THRB: variants seen among roughly 807,000 people sequenced by gnomAD.
THRB encodes thyroid hormone receptor beta, also known as nuclear receptor subfamily 1 group A member 2.
In THRB, 12 loss-of-function variants were observed where a neutral mutation model predicts 47.8. That is an observed-to-expected ratio of 0.25 (90% CI 0.16 to 0.41). THRB has a LOEUF of 0.41. Among genes scored for constraint, THRB ranks in the 10% least tolerant of loss-of-function variants. The probability of loss-of-function intolerance (pLI) is 1.00; values close to 1 mark genes in which losing one functional copy is unlikely to be tolerated. For synonymous variants in THRB, 218 were observed against 212.2 expected (o/e 1.03, Z -0.24); for missense variants, 348 against 589.2 (o/e 0.59, Z 4.24).
chr3:24,338,386 T>C (rs2062405126), intron 1 of THRB, among the ~76,000 whole-genome samples: 1 of 152,178 alleles, frequency 6.6e-6, no homozygotes, highest in African/African-American at 2.4e-5. Flanking sequence ...ATGAACAATG[T>C]TTGTGTATTT....
Position 24,236,871 on chromosome 3 carries a change from T to C in THRB, c.-42-7870A>G, listed in dbSNP as rs563708206. Among the ~76,000 whole-genome samples the C allele has an allele frequency of 5.3e-5, 8 of 152,170 alleles. No individual in the cohort carries two copies. The East Asian group carries it at 9.7e-4, about 18-fold the overall frequency. On this transcript the variant is annotated intron_variant, in intron 3 of 10. Coordinates refer to ENST00000646209, the MANE Select transcript of THRB (RefSeq NM_001354712.2). Reference sequence around the variant, plus strand: ...TTTTAATATTAAATCTAGGACCCAATGAAGTGAATAAATAATGGTTGAATT... The same window carrying C: ...TTTTAATATTAAATCTAGGACCCAACGAAGTGAATAAATAATGGTTGAATT...
intron 1 of THRB, among the ~76,000 whole-genome samples, chr3:24,381,930 A>T (rs912390426): frequency 1.5e-4 from 23 of 152,184 alleles, no homozygotes; most frequent in Admixed American, 1.2e-3. Flanking sequence ...TGAGAAAGAA[A>T]AAAATAAATG....
intron 3 of THRB, among the ~76,000 whole-genome samples, chr3:24,255,936 T>C (rs2051230269): frequency 6.6e-6 from 1 of 152,208 alleles, no homozygotes; most frequent in South Asian, 2.1e-4. Flanking sequence ...CATTGTCATA[T>C]AGATAAATGG....
chr3:24,210,705 A>G (rs1293143214), intron 4 of THRB, among the ~76,000 whole-genome samples: 1 of 152,202 alleles, frequency 6.6e-6, no homozygotes, highest in Non-Finnish European at 1.5e-5. Flanking sequence ...TACACCTGTT[A>G]TCTCCTTTCT....
At chr3:24,424,545 C>T (rs2069573440) in intron 1 of THRB, among the ~76,000 whole-genome samples, 1 of 151,864 alleles carries the variant, frequency 6.6e-6, no homozygotes, top group African/African-American at 2.4e-5. Flanking sequence ...TGGGGCCCAG[C>T]CTCCAGGTGA....
intron 2 of THRB, among the ~76,000 whole-genome samples, chr3:24,321,693 A>C (rs1448648190): frequency 6.6e-6 from 1 of 152,082 alleles, no homozygotes; most frequent in African/African-American, 2.4e-5. Flanking sequence ...AGAACCGTGA[A>C]TCCAAAATGT....
intron 1 of THRB, among the ~76,000 whole-genome samples, chr3:24,453,417 C>T (rs1180940090): frequency 6.6e-6 from 1 of 152,168 alleles, no homozygotes; most frequent in Non-Finnish European, 1.5e-5. Flanking sequence ...TCAGAACACA[C>T]ACTTTTAGCC....
intron 4 of THRB, among the ~76,000 whole-genome samples, chr3:24,219,727 C>T (rs760622620): frequency 1.3e-5 from 2 of 152,358 alleles, no homozygotes; most frequent in South Asian, 2.1e-4. Context: ...AAACCCTCTA[C>T]ATCAGTGATT....
At position 24,190,303 on chromosome 3, in the gene THRB, C is replaced by T. The variant is rs1559553747; in HGVS notation, c.54G>A (p.Lys18=). Residue 18 remains lysine (K), a synonymous_variant, in exon 5 of 11, where the codon AAG becomes AAA. Coordinates refer to ENST00000646209, the MANE Select transcript of THRB (RefSeq NM_001354712.2). The part of the protein sequence containing the change: ...ENGLTAWDKP[K]HCPDREHDWK... ...AGTCGTGTTCTCGGTCTGGACAGTG[C>T]TTCGGTTTGTCCCAGGCTGTAAGGC... 6.2e-7 allele frequency: 1 copy of T among 1,614,122 alleles called. No homozygotes were observed.
At chr3:24,157,019 GCATTCATC>G (rs1483701724) in intron 5 of THRB, among the ~76,000 whole-genome samples, 1 of 152,162 alleles carries the variant, frequency 6.6e-6, no homozygotes, top group Non-Finnish European at 1.5e-5. Flanking sequence ...ATTAAACCAT[GCATTCATC>G]CATTTGTTTA....
chr3:24,161,617 A>AACACACACACACAC (rs58600238), intron 5 of THRB, among the ~76,000 whole-genome samples: 12,677 of 140,928 alleles, frequency 0.09, 750 homozygotes, highest in East Asian at 0.19. Context: ...AGAGCTACAG[A>AACACACACACACAC]ACACACACAC....
intron 5 of THRB, among the ~76,000 whole-genome samples, chr3:24,166,448 GTACT>G (rs1434074544): frequency 9.9e-5 from 15 of 152,256 alleles, no homozygotes; most frequent in African/African-American, 3.6e-4. Context: ...TGGTATTCAT[GTACT>G]TACTTAAAGA....
intron 1 of THRB, among the ~76,000 whole-genome samples, chr3:24,425,799 C>T (rs1291902025): frequency 1.3e-5 from 2 of 151,928 alleles, no homozygotes; most frequent in Admixed American, 1.3e-4. Context: ...AGTTGGACAA[C>T]CTAGACTGGG....
chr3:24,282,630 G>T (rs552345432), intron 3 of THRB, among the ~76,000 whole-genome samples: 1 of 139,958 alleles, frequency 7.1e-6, no homozygotes, highest in Middle Eastern at 3.5e-3. Flanking sequence ...CCTTCAGAAA[G>T]TTAACGAATC....
chr3:24,360,444 G>A (rs2063980088), intron 1 of THRB, among the ~76,000 whole-genome samples: 2 of 152,108 alleles, frequency 1.3e-5, no homozygotes, highest in South Asian at 4.1e-4. Flanking sequence ...TTAATACGCA[G>A]GCGATGCATA....
chr3:24,153,993 A>G (rs577656488), intron 5 of THRB, among the ~76,000 whole-genome samples: 1 of 152,310 alleles, frequency 6.6e-6, no homozygotes, highest in South Asian at 2.1e-4. Flanking sequence ...GCTTTTCAGA[A>G]AAAAAGCCAT....
At chr3:24,169,708 A>C (rs1162068706) in intron 5 of THRB, among the ~76,000 whole-genome samples, 2 of 148,548 alleles carry the variant, frequency 1.3e-5, no homozygotes, top group African/African-American at 4.9e-5. Context: ...ATTATAATAT[A>C]TATCTCTTAG....
chr3:24,278,693 G>T lies in THRB; in HGVS notation c.-43+18533C>A, dbSNP rs77300061. 5.7e-3 allele frequency among the ~76,000 whole-genome samples: 875 copies of T among 152,214 alleles called. 13 individuals carry two copies. The highest frequency in any genetic ancestry group is 0.02 in the African/African-American group (822 of 41,520). ...ATTATCTTTCTACTTCTCTGTAACT[G>T]TTTCCAGATTTTTAACTTCTTGTGG... On this transcript the variant is annotated intron_variant, in intron 3 of 10. Transcript: ENST00000646209.
At chr3:24,242,875 C>T (rs1245563483) in intron 3 of THRB, among the ~76,000 whole-genome samples, 7 of 152,044 alleles carry the variant, frequency 4.6e-5, no homozygotes, top group African/African-American at 1.7e-4. Context: ...ACACTGTCTG[C>T]AGCACCAGTC....
Sources: gnomAD v4.1 joint callset for allele counts (sites outside exome capture counted in the v4.1 genomes callset) on GRCh38, gnomAD v4.1.1 for gene constraint, MANE v1.5 for transcripts, NCBI Gene and HGNC (gene_info 2026-07-23, HGNC 2026-07-21) for gene names.